APP: variants seen among roughly 807,000 people sequenced by gnomAD.
The protein encoded by APP is amyloid beta precursor protein.
A neutral mutation model predicts 101.4 loss-of-function variants in APP; 31 were observed. That is an observed-to-expected ratio of 0.31 (90% confidence interval 0.23 to 0.41). APP has a LOEUF of 0.41. Among genes scored for constraint, APP ranks in the 10% least tolerant of loss-of-function variants. The pLI is 1.00. For synonymous variants in APP, 366 were observed against 364.4 expected (o/e 1.00, Z -0.05); for missense variants, 839 against 1,003.7 (o/e 0.84, Z 2.22).
At chr21:25,997,524 ACT>A in intron 7 of APP, 108 bp from the exon 8 acceptor site, 1 of 980,182 alleles carries the variant, frequency 1.0e-6, no homozygotes, top group Non-Finnish European at 1.6e-6. Flanking sequence ...AAACAAAATC[ACT>A]CACTTAGGTT....
chr21:26,032,828 C>A (rs1601275262), intron 5 of APP, among the ~76,000 whole-genome samples: 1 of 147,714 alleles, frequency 6.8e-6, no homozygotes, highest in African/African-American at 2.5e-5. Flanking sequence ...ATATAAAGAG[C>A]TATCCTTTAC....
In APP at chr21:26,097,395, T is replaced by C. The variant is rs559194764; in HGVS notation, c.226-7323A>G. 1.6e-4 allele frequency among the ~76,000 whole-genome samples: 24 copies of C among 152,326 alleles called. No homozygotes were observed. In the South Asian group the frequency reaches 3.1e-3, roughly 20 times the overall value. On this transcript the variant is annotated intron_variant, in intron 2 of 17. Coordinates refer to ENST00000346798, the MANE Select transcript of APP (RefSeq NM_000484.4). ...CTGATAAGCATGTAATTAATATTTC[T>C]GGTTAAGGTCAGAATCCATTCAATC...
chr21:25,954,759 T>C (rs2041240337), intron 12 of APP, 70 bp from the exon 13 acceptor site: 5 of 1,383,822 alleles, frequency 3.6e-6, no homozygotes, highest in South Asian at 1.2e-5. Flanking sequence ...TCTTTCTTTT[T>C]TTCTTTTTTT....
intron 1 of APP, among the ~76,000 whole-genome samples, chr21:26,170,218 CCT>C (rs887103737): frequency 2.0e-5 from 3 of 152,178 alleles, no homozygotes; most frequent in Non-Finnish European, 4.4e-5. Flanking sequence ...CCCCTTCCCC[CCT>C]GTCTGAATGT....
At chr21:26,051,438 T>G (rs890184920) in intron 4 of APP, among the ~76,000 whole-genome samples, 3 of 152,210 alleles carry the variant, frequency 2.0e-5, no homozygotes, top group Non-Finnish European at 4.4e-5. Context: ...TAATAGAGGT[T>G]TATACGAACA....
chr21:26,151,199 C>T (rs1318659205), intron 1 of APP, among the ~76,000 whole-genome samples: 1 of 152,168 alleles, frequency 6.6e-6, no homozygotes, highest in Non-Finnish European at 1.5e-5. Flanking sequence ...TCAGGAGAGA[C>T]TTTAACAGCA....
rs533637361 is a variant in APP at position 26,128,158 on chromosome 21, T to C, written c.58-16012A>G. ...CAAGTTGTCTCTAAAAGAGACAAAC[T>C]GGTAACGACACTGCAACACGTGTGT... On this transcript the variant is annotated intron_variant, in intron 1 of 17. Coordinates refer to ENST00000346798, the MANE Select transcript of APP (RefSeq NM_000484.4). 3.9e-5 allele frequency among the ~76,000 whole-genome samples: 6 copies of C among 152,340 alleles called. No homozygotes were observed. The East Asian group carries it at 1.2e-3, about 29-fold the overall frequency.
At chr21:26,115,657 A>G (rs2062419209) in intron 1 of APP, among the ~76,000 whole-genome samples, 1 of 152,224 alleles carries the variant, frequency 6.6e-6, no homozygotes, top group Admixed American at 6.5e-5. Context: ...ATGACTTAAT[A>G]AATGATACAC....
intron 3 of APP, among the ~76,000 whole-genome samples, chr21:26,078,063 T>C (rs1209937786): frequency 1.3e-5 from 2 of 152,216 alleles, no homozygotes; most frequent in Non-Finnish European, 2.9e-5. Context: ...CTTATATCCA[T>C]GATGCTTATT....
intron 13 of APP, among the ~76,000 whole-genome samples, chr21:25,930,552 A>G (rs1202543965): frequency 7.9e-6 from 1 of 127,108 alleles, no homozygotes; most frequent in Non-Finnish European, 1.6e-5. Context: ...GCAGATAATT[A>G]TAAGGGGATC....
At chr21:26,140,368 C>T (rs1455835095) in intron 1 of APP, 16 of 1,489,824 alleles carry the variant, frequency 1.1e-5, no homozygotes, top group Admixed American at 6.4e-5. Flanking sequence ...ACTTCTACCA[C>T]GCACAGCAAG....
intron 8 of APP, among the ~76,000 whole-genome samples, chr21:25,989,453 C>T (rs2042771671): frequency 1.3e-5 from 2 of 152,084 alleles, no homozygotes; most frequent in South Asian, 4.1e-4. Context: ...TCTGGGGTGA[C>T]CCATAATTTT....
At chr21:25,904,675 A>G (rs1259259054) in intron 15 of APP, among the ~76,000 whole-genome samples, 1 of 152,044 alleles carries the variant, frequency 6.6e-6, no homozygotes, top group Non-Finnish European at 1.5e-5. Flanking sequence ...GTCTACATCT[A>G]TCTGGGCTTC....
chr21:26,114,496 G>A (rs1475413982), intron 1 of APP, among the ~76,000 whole-genome samples: 1 of 152,186 alleles, frequency 6.6e-6, no homozygotes, highest in Non-Finnish European at 1.5e-5. Flanking sequence ...TACCAGAAAG[G>A]TCACTGAAGG....
chr21:25,936,673 T>C (rs974770355), intron 13 of APP, among the ~76,000 whole-genome samples: 1 of 152,234 alleles, frequency 6.6e-6, no homozygotes, highest in South Asian at 2.1e-4. Context: ...GACCTGCTGG[T>C]ACCTTGATCT....
At chr21:26,161,011 G>A (rs2830100) in intron 1 of APP, among the ~76,000 whole-genome samples, 62,027 of 152,042 alleles carry the variant, frequency 0.41, 14,910 homozygotes, top group African/African-American at 0.68. Context: ...ATGCTTGTTC[G>A]CAGTTTCTTA....
At chr21:26,132,500 T>C (rs1041534555) in intron 1 of APP, among the ~76,000 whole-genome samples, 1 of 134,602 alleles carries the variant, frequency 7.4e-6, no homozygotes, top group Non-Finnish European at 1.5e-5. Flanking sequence ...TTTAAGAAAT[T>C]ACTTTTAGTT....
intron 6 of APP, among the ~76,000 whole-genome samples, chr21:26,003,200 A>G (rs931065611): frequency 4.6e-5 from 7 of 152,240 alleles, no homozygotes; most frequent in Admixed American, 2.6e-4. Flanking sequence ...AGCCCTAATC[A>G]ACTAGAACAA....
intron 11 of APP, among the ~76,000 whole-genome samples, chr21:25,958,275 T>C (rs1333692198): frequency 2.0e-5 from 3 of 151,780 alleles, no homozygotes; most frequent in Non-Finnish European, 4.4e-5. Flanking sequence ...TCCCACTAAT[T>C]ATTATTATTA....
Sources: gnomAD v4.1 joint callset for allele counts (sites outside exome capture counted in the v4.1 genomes callset) on GRCh38, gnomAD v4.1.1 for gene constraint, MANE v1.5 for transcripts, NCBI Gene and HGNC (gene_info 2026-07-23, HGNC 2026-07-21) for gene names.